The following NFKB1 variants were observed in gnomAD, a reference collection of about 807,000 sequenced individuals.
NFKB1 encodes nuclear factor NF-kappa-B p105 subunit.
NFKB1 carries 9 observed loss-of-function variants against 105.1 expected under a neutral mutation model. That is an observed-to-expected ratio of 0.09 (90% confidence interval 0.05 to 0.15). NFKB1 has a LOEUF of 0.15. Among genes scored for constraint, NFKB1 ranks in the 10% least tolerant of loss-of-function variants. The pLI, the probability that NFKB1 is intolerant of heterozygous loss-of-function variation, is 1.00. For synonymous variants in NFKB1, 440 were observed against 442.2 expected, an observed-to-expected ratio of 1.00 and a Z score of 0.06; for missense variants, 830 against 1,203.7, an observed-to-expected ratio of 0.69 and a Z score of 4.59.
At position 102,563,426 on chromosome 4, in the gene NFKB1, C is replaced by T. The variant is rs181466866; in HGVS notation, c.259-3561C>T. Among the ~76,000 whole-genome samples the T allele has an allele frequency of 1.9e-4, 29 of 152,032 alleles. No homozygotes were observed. The East Asian group carries it at 5.2e-3, about 27-fold the overall frequency. The stretch of plus-strand genomic sequence containing the variant: ...CTAAATCAGTCGTTTATTCCAGCCA[C>T]CTGCTTTTAGATAGTACTTAAAAAA... On this transcript the variant is annotated intron_variant, in intron 5 of 23. Coordinates refer to ENST00000226574, the MANE Select transcript of NFKB1 (RefSeq NM_003998.4).
chr4:102,543,679 G>A (rs1055352644), intron 5 of NFKB1, among the ~76,000 whole-genome samples: 4 of 151,430 alleles, frequency 2.6e-5, no homozygotes, highest in Admixed American at 6.6e-5. Flanking sequence ...TGTCGAGGTC[G>A]AATAGAGACT....
intron 19 of NFKB1, among the ~76,000 whole-genome samples, 199 bp from the exon 20 acceptor site, chr4:102,610,376 A>C (rs1405371252): frequency 6.6e-6 from 1 of 152,250 alleles, no homozygotes; most frequent in African/African-American, 2.4e-5. Flanking sequence ...GTCATAAGAC[A>C]CTTTAACAAT....
chr4:102,507,471 TA>T (rs1739497678), intron 1 of NFKB1, among the ~76,000 whole-genome samples: 1 of 152,170 alleles, frequency 6.6e-6, no homozygotes, highest in Non-Finnish European at 1.5e-5. Flanking sequence ...TTTTATTTTT[TA>T]TTTTTTTTCA....
intron 6 of NFKB1, among the ~76,000 whole-genome samples, chr4:102,568,156 G>A (rs188960169): frequency 9.0e-4 from 137 of 152,134 alleles, no homozygotes; most frequent in Non-Finnish European, 1.6e-3. Flanking sequence ...TTTCAAATTG[G>A]TTATTATTTT....
intron 5 of NFKB1, among the ~76,000 whole-genome samples, chr4:102,561,231 T>C (rs866362745): frequency 1.9e-4 from 29 of 151,876 alleles, no homozygotes; most frequent in Middle Eastern, 3.4e-3. Flanking sequence ...AGAAGAAATA[T>C]TATTAAAATA....
At chr4:102,519,470 A>G (rs998536670) in intron 1 of NFKB1, among the ~76,000 whole-genome samples, 1 of 150,524 alleles carries the variant, frequency 6.6e-6, no homozygotes, top group East Asian at 1.9e-4. Flanking sequence ...TTCTCCTTCT[A>G]TCTTTTGAGA....
chr4:102,568,360 CT>C, intron 6 of NFKB1, among the ~76,000 whole-genome samples: 1 of 151,998 alleles, frequency 6.6e-6, no homozygotes, highest in South Asian at 2.1e-4. Flanking sequence ...TTTATATGAA[CT>C]TGTTTCAACA....
Position 102,607,308 on chromosome 4 carries a change from C to T in NFKB1, c.2113C>T (p.Leu705=). The T allele has an allele frequency of 6.2e-7, 1 of 1,612,348 alleles. No individual in the cohort carries two copies. The highest frequency in any genetic ancestry group is 8.5e-7 in the Non-Finnish European group (1 of 1,178,456). ...CGACAACATCTCATTGGCAGGCTGCCTGCTCCTGGAGGTGAAGGGCACACT... is the reference window on the plus strand; with the variant it reads ...CGACAACATCTCATTGGCAGGCTGCTTGCTCCTGGAGGTGAAGGGCACACT... ...EHDNISLAGC[L]LLEGDAHVDS... The change falls in exon 18 of 24, where the codon CTG becomes TTG. Residue 705 remains leucine (L), a synonymous_variant. Coordinates refer to ENST00000226574, the MANE Select transcript of NFKB1 (RefSeq NM_003998.4).
At chr4:102,531,726 C>T (rs1179070848) in intron 3 of NFKB1, among the ~76,000 whole-genome samples, 1 of 151,904 alleles carries the variant, frequency 6.6e-6, no homozygotes, top group Non-Finnish European at 1.5e-5. Flanking sequence ...TAATGTGTTG[C>T]CTGAAAGAGG....
chr4:102,604,955 G>T (rs1480808294), intron 16 of NFKB1, among the ~76,000 whole-genome samples: 1 of 146,264 alleles, frequency 6.8e-6, no homozygotes, highest in Non-Finnish European at 1.5e-5. Context: ...CCATTGATTG[G>T]ACTGTGGAAG....
chr4:102,605,824 T>C (rs1374941245), intron 16 of NFKB1, among the ~76,000 whole-genome samples: 4 of 152,224 alleles, frequency 2.6e-5, no homozygotes, highest in Non-Finnish European at 5.9e-5. Context: ...TTGACTGGTC[T>C]CAGGAGCCAG....
In NFKB1 at chr4:102,593,518, G is replaced by A; in HGVS notation, c.1160G>A (p.Gly387Asp). ...AGTGGTGCTGGAGCTGGAGGCGGAG[G>A]CATGTTTGGTAGTGGCGGTGGAGGA... Reference protein sequence around the residue: ...GGSGAGAGGGGMFGSGGGGGG... With the variant: ...GGSGAGAGGGDMFGSGGGGGG... The change falls in exon 12 of 24, where the codon GGC becomes GAC. Residue 387 changes from glycine (G) to aspartate (D), a missense_variant. By Grantham distance (94) the Gly-to-Asp change is moderately conservative (BLOSUM62 -1). Coordinates refer to ENST00000226574, the MANE Select transcript of NFKB1 (RefSeq NM_003998.4). 6.2e-7 allele frequency: 1 copy of A among 1,613,560 alleles called. No homozygotes were observed. The highest frequency in any genetic ancestry group is 8.5e-7 in the Non-Finnish European group (1 of 1,179,564).
intron 5 of NFKB1, among the ~76,000 whole-genome samples, chr4:102,550,621 TCACA>T (rs1722500318): frequency 6.6e-6 from 1 of 152,176 alleles, no homozygotes; most frequent in African/African-American, 2.4e-5. Context: ...GTCCAATAAT[TCACA>T]CACATTTGTA....
chr4:102,551,527 G>T (rs1722612302), intron 5 of NFKB1, among the ~76,000 whole-genome samples: 1 of 152,120 alleles, frequency 6.6e-6, no homozygotes, highest in African/African-American at 2.4e-5. Context: ...AAACTAGAGA[G>T]CTGCTATCTC....
At chr4:102,586,877 G>GTGA (rs1369111302) in intron 11 of NFKB1, among the ~76,000 whole-genome samples, 1 of 152,242 alleles carries the variant, frequency 6.6e-6, no homozygotes, top group African/African-American at 2.4e-5. Context: ...AGAGCAAGAT[G>GTGA]TGATAGGTAA....
chr4:102,601,119 A>T (rs1026400211), intron 16 of NFKB1, 110 bp downstream of exon 16: 9 of 665,652 alleles, frequency 1.4e-5, no homozygotes, highest in African/African-American at 9.1e-5. Flanking sequence ...AGCAAAAACA[A>T]AAACAAACCT....
chr4:102,519,270 CAT>C lies in NFKB1; in HGVS notation c.-7-6238_-7-6237del, dbSNP rs776864972. Reference sequence around the variant, plus strand: ...ATAGTTTAATATATAAGTATATACACATATAGTTTTCATATATAAGTATATTA... The same window carrying C: ...ATAGTTTAATATATAAGTATATACACATAGTTTTCATATATAAGTATATTA... On this transcript the variant is annotated intron_variant, in intron 1 of 23. Transcript: ENST00000226574. Among the ~76,000 whole-genome samples the C allele has an allele frequency of 1.0e-3, 148 of 147,206 alleles. 1 individual carries two copies. Among genetic ancestry groups the C allele is most frequent in the Non-Finnish European group, 1.9e-3 (125 of 67,110 alleles).
chr4:102,560,024 A>G (rs1263902544), intron 5 of NFKB1, among the ~76,000 whole-genome samples: 1 of 152,058 alleles, frequency 6.6e-6, no homozygotes, highest in Non-Finnish European at 1.5e-5. Context: ...TTTTCTGTTT[A>G]AAAATCCACA....
intron 5 of NFKB1, among the ~76,000 whole-genome samples, chr4:102,543,971 G>A (rs946684460): frequency 6.6e-6 from 1 of 152,102 alleles, no homozygotes; most frequent in Non-Finnish European, 1.5e-5. Context: ...ATACCCCTAT[G>A]TACATTATAC....
Sources: allele counts gnomAD v4.1 joint callset (sites outside exome capture counted in the v4.1 genomes callset), GRCh38; gene constraint gnomAD v4.1.1; transcripts MANE v1.5; gene names NCBI Gene and HGNC (gene_info 2026-07-23, HGNC 2026-07-21).